Variants in PLEKHD1 observed in about 807,000 individuals in gnomAD.
PLEKHD1 encodes the protein pleckstrin homology domain-containing family D member 1.
A neutral mutation model predicts 69.2 loss-of-function variants in PLEKHD1; 51 were observed. The observed-to-expected ratio is 0.74, with a 90% CI of 0.59 to 0.93. The LOEUF is 0.93. PLEKHD1 is among the 40% of genes least tolerant of loss of function. PLEKHD1 has a pLI of 0.00. For synonymous variants in PLEKHD1, 236 were observed against 244.7 expected (o/e 0.96, Z 0.33); for missense variants, 584 against 641.0 (o/e 0.91, Z 0.96).
At chr14:69,486,532 G>T (rs542736020) in intron 1 of PLEKHD1, among the ~76,000 whole-genome samples, 6 of 152,160 alleles carry the variant, frequency 3.9e-5, no homozygotes, top group Non-Finnish European at 7.3e-5. Context: ...GAGAGCTGGG[G>T]TGGAAAGGCT....
At chr14:69,489,074 T>C (rs1417657223) in intron 1 of PLEKHD1, among the ~76,000 whole-genome samples, 1 of 152,188 alleles carries the variant, frequency 6.6e-6, no homozygotes, top group Non-Finnish European at 1.5e-5. Flanking sequence ...AGTGAGTTAA[T>C]TGTGCAAACA....
At chr14:69,486,754 G>A (rs539852868) in intron 1 of PLEKHD1, among the ~76,000 whole-genome samples, 1 of 152,212 alleles carries the variant, frequency 6.6e-6, no homozygotes, top group South Asian at 2.1e-4. Flanking sequence ...TATGTCCCCT[G>A]GTCCTCCCCT....
upstream of PLEKHD1, among the ~76,000 whole-genome samples, chr14:69,483,464 G>C (rs1425681886): frequency 6.6e-6 from 1 of 152,092 alleles, no homozygotes; most frequent in African/African-American, 2.4e-5. Context: ...TGATACAAGT[G>C]GTTGTTGTTG....
chr14:69,479,577 C>T, the PLEKHD1 span, among the ~76,000 whole-genome samples: 1 of 152,064 alleles, frequency 6.6e-6, no homozygotes, highest in Admixed American at 6.5e-5. Context: ...GAGGCCAGAG[C>T]AGGAGGATCG....
the PLEKHD1 span, among the ~76,000 whole-genome samples, chr14:69,471,767 C>T: frequency 6.6e-6 from 1 of 152,144 alleles, no homozygotes; most frequent in Non-Finnish European, 1.5e-5. Context: ...TGAACCACCA[C>T]CCATGGTAGT....
intron 8 of PLEKHD1, among the ~76,000 whole-genome samples, chr14:69,524,689 C>T (rs1883601412): frequency 6.6e-6 from 1 of 152,138 alleles, no homozygotes; most frequent in Admixed American, 6.5e-5. Flanking sequence ...TTAGCTGCTC[C>T]TGAGTGACAT....
chr14:69,523,653 G>A (rs375684412), intron 7 of PLEKHD1, among the ~76,000 whole-genome samples: 6 of 152,258 alleles, frequency 3.9e-5, no homozygotes, highest in African/African-American at 1.2e-4. Context: ...CCTGTGTTAC[G>A]AGAATTGAGA....
chr14:69,477,600 C>T, the PLEKHD1 span, among the ~76,000 whole-genome samples: 2 of 152,286 alleles, frequency 1.3e-5, no homozygotes, highest in South Asian at 4.1e-4. Context: ...GGGGTACAAG[C>T]ATTGGGTAAA....
chr14:69,489,558 C>CAA (rs1166429791), intron 1 of PLEKHD1, among the ~76,000 whole-genome samples: 13,976 of 59,554 alleles, frequency 0.23, 2,129 homozygotes, highest in Non-Finnish European at 0.29. Flanking sequence ...TACTCCATCT[C>CAA]AAAAAAAAAA....
chr14:69,470,853 G>A, the PLEKHD1 span, among the ~76,000 whole-genome samples: 5 of 150,106 alleles, frequency 3.3e-5, no homozygotes, highest in South Asian at 2.1e-4. Context: ...TGCAAGCTCC[G>A]CGATCTCGGC....
chr14:69,514,138 T>C (rs761751317), intron 6 of PLEKHD1, among the ~76,000 whole-genome samples: 2 of 152,206 alleles, frequency 1.3e-5, no homozygotes, highest in Non-Finnish European at 2.9e-5. Flanking sequence ...GACATTAATA[T>C]GGGAAAACTC....
intron 4 of PLEKHD1, 163 bp downstream of exon 4, chr14:69,501,110 T>C (rs61982432): frequency 0.047 from 32,961 of 698,098 alleles, 1,072 homozygotes; most frequent in African/African-American, 0.12. Context: ...TTTTAGAGCA[T>C]CTGTGAGGGG....
chr14:69,498,846 C>T (rs2139503495), intron 1 of PLEKHD1, among the ~76,000 whole-genome samples: 1 of 152,110 alleles, frequency 6.6e-6, no homozygotes, highest in Admixed American at 6.5e-5. Context: ...TGGGGTTTCA[C>T]CATATTGGCC....
the PLEKHD1 span, among the ~76,000 whole-genome samples, chr14:69,470,979 G>A: frequency 6.6e-6 from 1 of 151,614 alleles, no homozygotes; most frequent in Non-Finnish European, 1.5e-5. Flanking sequence ...TTTTAGTAGA[G>A]GCGGGGTTTC....
At chr14:69,481,066 A>G (rs1407427904), upstream of PLEKHD1, among the ~76,000 whole-genome samples, 3 of 152,248 alleles carry the variant, frequency 2.0e-5, no homozygotes, top group Non-Finnish European at 4.4e-5. Flanking sequence ...AGTGGGGACT[A>G]TCACATCTGC....
At chr14:69,470,062 A>G in the PLEKHD1 span, among the ~76,000 whole-genome samples, 4 of 152,058 alleles carry the variant, frequency 2.6e-5, no homozygotes, top group African/African-American at 9.7e-5. Flanking sequence ...CTAAGGTCTG[A>G]GGTTTGCTTT....
chr14:69,509,024 C>G (rs1445509680), intron 6 of PLEKHD1, among the ~76,000 whole-genome samples: 1 of 152,142 alleles, frequency 6.6e-6, no homozygotes, highest in Non-Finnish European at 1.5e-5. Context: ...ATCCCTTTGG[C>G]CTTTTCGGCT....
the PLEKHD1 span, among the ~76,000 whole-genome samples, chr14:69,473,527 C>T: frequency 1.3e-5 from 2 of 152,186 alleles, no homozygotes; most frequent in African/African-American, 4.8e-5. Flanking sequence ...GTTACTAACT[C>T]AGTGCTGACC....
the PLEKHD1 span, among the ~76,000 whole-genome samples, chr14:69,473,329 A>T: frequency 6.6e-6 from 1 of 151,006 alleles, no homozygotes; most frequent in East Asian, 2.0e-4. Context: ...ATGTGTCCCT[A>T]CCCCACCCTC....
Sources: gnomAD v4.1 joint callset for allele counts (sites outside exome capture counted in the v4.1 genomes callset) on GRCh38, gnomAD v4.1.1 for gene constraint, MANE v1.5 for transcripts, NCBI Gene and HGNC (gene_info 2026-07-23, HGNC 2026-07-21) for gene names.